HHAT: variants seen among roughly 807,000 people sequenced by gnomAD.
HHAT encodes protein-cysteine N-palmitoyltransferase HHAT.
HHAT carries 47 observed loss-of-function variants against 70.8 expected under a neutral mutation model. That is an observed-to-expected ratio of 0.66 (90% CI 0.53 to 0.85). The LOEUF (loss-of-function observed/expected upper bound fraction) is 0.85. Ranked by LOEUF, HHAT falls within the 40% of genes least tolerant of loss-of-function variation. HHAT has a pLI of 0.00. For synonymous variants in HHAT, 228 were observed against 247.6 expected (o/e 0.92, Z 0.74); for missense variants, 609 against 604.8 (o/e 1.01, Z -0.07).
intron 11 of HHAT, among the ~76,000 whole-genome samples, chr1:210,642,368 G>GAGTAT (rs374477633): frequency 9.7e-4 from 147 of 152,184 alleles, no homozygotes; most frequent in African/African-American, 3.4e-3. Flanking sequence ...TATTTCTGTT[G>GAGTAT]AGTATATACT....
At chr1:210,674,075 A>G (rs551918507) in intron 11 of HHAT, among the ~76,000 whole-genome samples, 2 of 151,790 alleles carry the variant, frequency 1.3e-5, no homozygotes, top group Non-Finnish European at 2.9e-5. Flanking sequence ...CGTCATAAAC[A>G]TGGTTTGTGT....
chr1:210,555,338 C>T (rs975197616), intron 9 of HHAT, among the ~76,000 whole-genome samples: 1 of 152,164 alleles, frequency 6.6e-6, no homozygotes, highest in Non-Finnish European at 1.5e-5. Context: ...GCGTCAGCCT[C>T]CAGAACCCCT....
intron 11 of HHAT, among the ~76,000 whole-genome samples, chr1:210,666,856 G>T (rs1160429414): frequency 6.6e-6 from 1 of 152,034 alleles, no homozygotes; most frequent in Non-Finnish European, 1.5e-5. Flanking sequence ...ACTTTGGGAG[G>T]CCGAGGCAGG....
chr1:210,610,842 C>G (rs753875134), intron 10 of HHAT, among the ~76,000 whole-genome samples: 8 of 152,002 alleles, frequency 5.3e-5, no homozygotes, highest in Non-Finnish European at 1.0e-4. Context: ...GGTCTCATTT[C>G]TGGGTTCTCT....
At chr1:210,380,139 A>G (rs1433394142) in intron 3 of HHAT, among the ~76,000 whole-genome samples, 2 of 152,246 alleles carry the variant, frequency 1.3e-5, no homozygotes, top group African/African-American at 4.8e-5. Context: ...TTTATTGAGT[A>G]TCTAATATAT....
At chr1:210,492,454 G>C (rs1016859325) in intron 8 of HHAT, among the ~76,000 whole-genome samples, 28 of 152,198 alleles carry the variant, frequency 1.8e-4, no homozygotes, top group African/African-American at 6.3e-4. Context: ...TGGTTAGATG[G>C]GGGGAGGCAT....
chr1:210,346,751 G>C (rs2086559889), intron 1 of HHAT, among the ~76,000 whole-genome samples: 1 of 152,234 alleles, frequency 6.6e-6, no homozygotes, highest in East Asian at 1.9e-4. Flanking sequence ...GAAGAAAGGA[G>C]TTTGTGTGTG....
chr1:210,543,750 C>T (rs1295678079), intron 9 of HHAT, among the ~76,000 whole-genome samples: 1 of 152,158 alleles, frequency 6.6e-6, no homozygotes, highest in African/African-American at 2.4e-5. Flanking sequence ...ATTCTTTTGC[C>T]TCTAAGTCCA....
At chr1:210,437,344 G>T (rs1221365597) in intron 7 of HHAT, among the ~76,000 whole-genome samples, 1 of 151,944 alleles carries the variant, frequency 6.6e-6, no homozygotes, top group Admixed American at 6.5e-5. Flanking sequence ...AAGATGGTCA[G>T]TATGTCCATG....
chr1:210,613,836 A>G (rs1464703764), intron 10 of HHAT, among the ~76,000 whole-genome samples: 4 of 151,682 alleles, frequency 2.6e-5, no homozygotes, highest in Admixed American at 6.6e-5. Context: ...TGGGCAGCAT[A>G]GTGAGACTTT....
intron 11 of HHAT, among the ~76,000 whole-genome samples, chr1:210,632,339 G>A (rs1048858487): frequency 6.6e-6 from 1 of 152,178 alleles, no homozygotes; most frequent in Non-Finnish European, 1.5e-5. Context: ...CACAAGAAGT[G>A]GGTTTAGGAG....
At chr1:210,527,959 G>T (rs957737100) in intron 9 of HHAT, among the ~76,000 whole-genome samples, 1 of 152,142 alleles carries the variant, frequency 6.6e-6, no homozygotes, top group Non-Finnish European at 1.5e-5. Flanking sequence ...CACTCTAAAC[G>T]CATGAACCCA....
chr1:210,525,416 G>A (rs1029738321), intron 9 of HHAT, among the ~76,000 whole-genome samples: 4 of 152,180 alleles, frequency 2.6e-5, no homozygotes, highest in African/African-American at 9.7e-5. Context: ...CACTTGGGGT[G>A]CTTTGGAGTC....
At chr1:210,494,327 G>A (rs529838058) in intron 8 of HHAT, among the ~76,000 whole-genome samples, 2 of 152,080 alleles carry the variant, frequency 1.3e-5, no homozygotes, top group Non-Finnish European at 2.9e-5. Flanking sequence ...CTATTGAAGT[G>A]GAAGTGGTGA....
chr1:210,600,818 G>C (rs79904873), intron 10 of HHAT, among the ~76,000 whole-genome samples: 2,209 of 152,066 alleles, frequency 0.015, 64 homozygotes, highest in African/African-American at 0.05. Flanking sequence ...GCTCCTTCAG[G>C]CTGCTTGTCG....
At chr1:210,343,612 A>G (rs2086230299) in intron 1 of HHAT, among the ~76,000 whole-genome samples, 1 of 152,188 alleles carries the variant, frequency 6.6e-6, no homozygotes, top group Admixed American at 6.5e-5. Flanking sequence ...ACTGCCTGTC[A>G]TTCCCTTGGG....
chr1:210,604,411 A>G (rs2148826445), intron 10 of HHAT, among the ~76,000 whole-genome samples: 1 of 152,160 alleles, frequency 6.6e-6, no homozygotes, highest in African/African-American at 2.4e-5. Context: ...GAGAGGGAAT[A>G]TGTTCTTGAC....
chr1:210,494,093 C>A (rs948028129), intron 8 of HHAT, among the ~76,000 whole-genome samples: 1 of 152,182 alleles, frequency 6.6e-6, no homozygotes, highest in Non-Finnish European at 1.5e-5. Context: ...TCACTCTTGG[C>A]TTAAAGGCTA....
chr1:210,421,448 C>T (rs2092901504), intron 7 of HHAT, among the ~76,000 whole-genome samples: 1 of 152,006 alleles, frequency 6.6e-6, no homozygotes, highest in Admixed American at 6.6e-5. Flanking sequence ...TTTGGTATAT[C>T]ATTTCTTAAT....
Sources: allele counts gnomAD v4.1 joint callset (sites outside exome capture counted in the v4.1 genomes callset), GRCh38; gene constraint gnomAD v4.1.1; transcripts MANE v1.5; gene names NCBI Gene and HGNC (gene_info 2026-07-23, HGNC 2026-07-21).